SRFBP1: variants seen among roughly 807,000 people sequenced by gnomAD.
SRFBP1 encodes serum response factor binding protein 1, also known as serum response factor-binding protein 1.
In SRFBP1, 47 loss-of-function variants were observed where a neutral mutation model predicts 45.5. That is an observed-to-expected ratio of 1.03 (90% CI 0.82 to 1.32). The LOEUF is 1.32. Among genes scored for constraint, SRFBP1 ranks in the 40% most tolerant of loss-of-function variants. The pLI is 0.00. For synonymous variants in SRFBP1, 203 were observed against 166.3 expected, an observed-to-expected ratio of 1.22 and a Z score of -1.70; for missense variants, 621 against 484.6, an observed-to-expected ratio of 1.28 and a Z score of -2.64.
intron 3 of SRFBP1, among the ~76,000 whole-genome samples, chr5:121,992,122 G>T (rs1396984621): frequency 6.6e-6 from 1 of 152,104 alleles, no homozygotes; most frequent in South Asian, 2.1e-4. Flanking sequence ...CAACACAAAT[G>T]TATTGTCTTA....
At chr5:121,962,121 C>T (rs1175291968) in intron 1 of SRFBP1, 53 bp downstream of exon 1, 4 of 1,606,220 alleles carry the variant, frequency 2.5e-6, no homozygotes, top group South Asian at 2.2e-5. Context: ...AAAACCAGCT[C>T]TTTTGAGACG....
chr5:122,077,448 C>G, downstream of SRFBP1: 1 of 1,614,102 alleles, frequency 6.2e-7, no homozygotes. This position sits in a 1 kb window ranked among gnomAD's most constrained non-coding sequence, Gnocchi z 4.9. Flanking sequence ...TAAGGGTTGT[C>G]GTCAGAGTAC....
chr5:122,036,621 G>A (rs914594698), intron 2 of SRFBP1, among the ~76,000 whole-genome samples: 6 of 152,124 alleles, frequency 3.9e-5, no homozygotes, highest in East Asian at 1.9e-4. Context: ...AGTGATTTAC[G>A]CCTATGTGAT....
rs570422255 is a variant in SRFBP1 at position 122,070,753 on chromosome 5, C to T, written n.312-4562C>T. ...CCTTGAGAAGTATTTATTACTCAGC[C>T]TTATAGCACCTCCAGCTAAAAAAGA... On this transcript the variant is annotated intron_variant and non_coding_transcript_variant, in intron 2 of 2. Transcript: ENST00000504881. 147 of 476,542 alleles carry T rather than the reference C, an allele frequency of 3.1e-4. 1 individual carries two copies. In the South Asian group the frequency reaches 6.2e-3, roughly 20 times the overall value. 29.5% of individuals were successfully genotyped at this position (476,542 alleles called of 1,614,324 possible). A position where few individuals can be genotyped will look rare whatever the true frequency, so the allele number is the denominator to read the frequency against.
At chr5:121,965,099 C>T (rs916062723) in intron 1 of SRFBP1, among the ~76,000 whole-genome samples, 10 of 151,976 alleles carry the variant, frequency 6.6e-5, no homozygotes, top group South Asian at 4.2e-4. Flanking sequence ...ACCCTTTGTC[C>T]GATGGATAGA....
chr5:122,037,857 G>C (rs1327267924), intron 2 of SRFBP1, among the ~76,000 whole-genome samples: 1 of 152,268 alleles, frequency 6.6e-6, no homozygotes, highest in South Asian at 2.1e-4. Context: ...ACCCCTGTGT[G>C]TTCTGGCAGA....
At chr5:121,969,850 C>A (rs1752150928) in intron 1 of SRFBP1, among the ~76,000 whole-genome samples, 1 of 151,988 alleles carries the variant, frequency 6.6e-6, no homozygotes, top group Non-Finnish European at 1.5e-5. Flanking sequence ...CATTTTCTTT[C>A]TTCTGTGTCA....
At chr5:122,037,218 A>G (rs1753707841) in intron 2 of SRFBP1, among the ~76,000 whole-genome samples, 1 of 152,148 alleles carries the variant, frequency 6.6e-6, no homozygotes, top group African/African-American at 2.4e-5. Context: ...CTAGTGAATC[A>G]TTGAGCCTCA....
intron 2 of SRFBP1, among the ~76,000 whole-genome samples, chr5:122,060,805 A>G (rs1754157668): frequency 6.6e-6 from 1 of 152,118 alleles, no homozygotes; most frequent in African/African-American, 2.4e-5. Flanking sequence ...TCCTGGTTCC[A>G]TCTGCTCCTG....
At chr5:122,074,467 T>G (rs939087361) in intron 2 of SRFBP1, among the ~76,000 whole-genome samples, 2 of 152,212 alleles carry the variant, frequency 1.3e-5, no homozygotes, top group African/African-American at 2.4e-5. Context: ...AAATTATCTG[T>G]GCTTAAGTGA....
chr5:122,057,058 G>A (rs1437658382), intron 2 of SRFBP1, among the ~76,000 whole-genome samples: 1 of 152,174 alleles, frequency 6.6e-6, no homozygotes, highest in Non-Finnish European at 1.5e-5. Context: ...AGAATGTTAT[G>A]TAAAGCATGT....
intron 3 of SRFBP1, among the ~76,000 whole-genome samples, chr5:121,977,595 A>G (rs1297391414): frequency 6.6e-6 from 1 of 152,178 alleles, no homozygotes; most frequent in Non-Finnish European, 1.5e-5. Flanking sequence ...AAATGATGAC[A>G]AAACAAACTC....
intron 4 of SRFBP1, among the ~76,000 whole-genome samples, chr5:122,005,075 T>C (rs1266643264): frequency 6.6e-6 from 1 of 152,192 alleles, no homozygotes; most frequent in Non-Finnish European, 1.5e-5. Context: ...GCATATCATC[T>C]GTTTGGGAGA....
At chr5:122,044,996 T>G (rs1186338542) in intron 2 of SRFBP1, among the ~76,000 whole-genome samples, 1 of 152,170 alleles carries the variant, frequency 6.6e-6, no homozygotes, top group African/African-American at 2.4e-5. Flanking sequence ...TTTTAGTTTT[T>G]ACATTTAAGT....
At chr5:122,036,826 A>C (rs1198694566) in intron 2 of SRFBP1, among the ~76,000 whole-genome samples, 1 of 151,428 alleles carries the variant, frequency 6.6e-6, no homozygotes, top group Non-Finnish European at 1.5e-5. Flanking sequence ...TGCTGATTGT[A>C]ATCTATATCC....
intron 2 of SRFBP1, chr5:122,063,636 A>G (rs1035263404): frequency 6.6e-6 from 1 of 151,942 alleles, no homozygotes; most frequent in Non-Finnish European, 1.5e-5. Flanking sequence ...GAGTTCAAAA[A>G]AATATGTATA....
intron 7 of SRFBP1, among the ~76,000 whole-genome samples, chr5:122,025,207 C>T (rs1437264790): frequency 4.6e-5 from 7 of 151,802 alleles, no homozygotes; most frequent in Non-Finnish European, 7.4e-5. Context: ...TGAGGACATG[C>T]GGTGTTTGGT....
At chr5:121,985,827 G>T (rs1235231869) in intron 3 of SRFBP1, among the ~76,000 whole-genome samples, 1 of 151,796 alleles carries the variant, frequency 6.6e-6, no homozygotes, top group Non-Finnish European at 1.5e-5. Context: ...GGGGATTCGG[G>T]TAGACAACAT....
intron 2 of SRFBP1, chr5:122,063,767 G>A (rs1001166914): frequency 6.6e-6 from 1 of 151,870 alleles, no homozygotes; most frequent in African/African-American, 2.4e-5. Context: ...ATCTGCTAAA[G>A]ATTAACTCTC....
Sources: gnomAD v4.1 joint callset for allele counts (sites outside exome capture counted in the v4.1 genomes callset) on GRCh38, gnomAD v4.1.1 for gene constraint, Gnocchi (gnomAD v3.1) non-coding constraint, MANE v1.5 for transcripts, NCBI Gene and HGNC (gene_info 2026-07-23, HGNC 2026-07-21) for gene names.